The following ZBTB7C variants were observed in gnomAD, a reference collection of about 807,000 sequenced individuals.
ZBTB7C encodes zinc finger and BTB domain-containing protein 7C.
In ZBTB7C, 8 loss-of-function variants were observed where a neutral mutation model predicts 25.7. The ratio of observed to expected loss-of-function variants is 0.31; its 90% CI spans 0.18 to 0.56. The LOEUF (loss-of-function observed/expected upper bound fraction) is 0.56. ZBTB7C is among the 20% of genes least tolerant of loss of function. The pLI is 0.91. For missense variants in ZBTB7C, 824 were observed against 855.2 expected (o/e 0.96, Z 0.46); for synonymous variants, 394 against 369.0 (o/e 1.07, Z -0.78).
intron 1 of ZBTB7C, among the ~76,000 whole-genome samples, chr18:48,370,474 A>G (rs1439182983): frequency 6.6e-6 from 1 of 152,206 alleles, no homozygotes; most frequent in African/African-American, 2.4e-5. Context: ...GAATCCTTGT[A>G]GTGATGAAAA....
At chr18:48,344,281 G>A (rs1457806309) in intron 1 of ZBTB7C, among the ~76,000 whole-genome samples, 1 of 152,236 alleles carries the variant, frequency 6.6e-6, no homozygotes, top group African/African-American at 2.4e-5. Flanking sequence ...ACCACACGTG[G>A]CCGGGAAGTG....
At chr18:48,370,023 A>C (rs1027440388) in intron 1 of ZBTB7C, among the ~76,000 whole-genome samples, 1 of 152,214 alleles carries the variant, frequency 6.6e-6, no homozygotes, top group Non-Finnish European at 1.5e-5. Flanking sequence ...GAATTGAAAA[A>C]AATTAAAATT....
intron 3 of ZBTB7C, among the ~76,000 whole-genome samples, chr18:48,097,909 T>C (rs1278130640): frequency 6.6e-6 from 1 of 152,056 alleles, no homozygotes; most frequent in African/African-American, 2.4e-5. Flanking sequence ...CAAAAGCATC[T>C]TCACTAATAC....
intron 1 of ZBTB7C, among the ~76,000 whole-genome samples, chr18:48,366,359 A>T (rs982135983): frequency 1.3e-5 from 2 of 152,264 alleles, no homozygotes; most frequent in African/African-American, 4.8e-5. Context: ...AATGTGAAAG[A>T]CTAGCTGTAA....
At chr18:48,385,420 G>A (rs2145226529) in intron 1 of ZBTB7C, among the ~76,000 whole-genome samples, 1 of 152,278 alleles carries the variant, frequency 6.6e-6, no homozygotes, top group East Asian at 1.9e-4. Flanking sequence ...CCATGAGGAG[G>A]AGCTACAGTC....
intron 2 of ZBTB7C, among the ~76,000 whole-genome samples, chr18:48,295,797 T>TCTCCTGCATTGGCC (rs1568359600): frequency 6.6e-6 from 1 of 151,960 alleles, no homozygotes; most frequent in Non-Finnish European, 1.5e-5. Flanking sequence ...CCGCATTGGC[T>TCTCCTGCATTGGCC]TCTCCTCCTC....
At chr18:48,227,370 G>A (rs1454393866) in intron 2 of ZBTB7C, among the ~76,000 whole-genome samples, 1 of 152,236 alleles carries the variant, frequency 6.6e-6, no homozygotes, top group African/African-American at 2.4e-5. Flanking sequence ...TTCTGGGCAG[G>A]TACATTTCTG....
intron 3 of ZBTB7C, among the ~76,000 whole-genome samples, chr18:48,156,745 TG>T (rs1367344771): frequency 1.3e-5 from 2 of 152,126 alleles, no homozygotes; most frequent in Admixed American, 1.3e-4. Context: ...TTGCTTCAAC[TG>T]GGAAAAATAA....
At chr18:48,200,010 GT>G (rs2042402527) in intron 2 of ZBTB7C, among the ~76,000 whole-genome samples, 1 of 150,526 alleles carries the variant, frequency 6.6e-6, no homozygotes, top group Non-Finnish European at 1.5e-5. Flanking sequence ...GTGTGTGTGT[GT>G]GTGTGTGTGT....
intron 2 of ZBTB7C, among the ~76,000 whole-genome samples, chr18:48,243,286 A>T (rs2144371320): frequency 6.6e-6 from 1 of 151,754 alleles, no homozygotes; most frequent in African/African-American, 2.4e-5. Flanking sequence ...AAAAAAAAAA[A>T]AAAAGCTCCT....
At chr18:48,088,381 A>G (rs559500213) in intron 3 of ZBTB7C, 2 of 152,338 alleles carry the variant, frequency 1.3e-5, no homozygotes, top group South Asian at 4.1e-4. Context: ...ATATTTAGGT[A>G]TGGATAAGTT....
At chr18:48,410,978 A>AT (rs903385534), upstream of ZBTB7C, among the ~76,000 whole-genome samples, 22 of 152,194 alleles carry the variant, frequency 1.4e-4, no homozygotes, top group African/African-American at 5.3e-4. Flanking sequence ...ACTGGATGAC[A>AT]TTTTTTACAG....
At chr18:48,271,959 T>A (rs2044501896) in intron 2 of ZBTB7C, among the ~76,000 whole-genome samples, 1 of 152,190 alleles carries the variant, frequency 6.6e-6, no homozygotes, top group African/African-American at 2.4e-5. Context: ...CAAAGTCCTA[T>A]CCAGTGCAAT....
chr18:48,401,872 C>T (rs1002990025), intron 1 of ZBTB7C, among the ~76,000 whole-genome samples: 1 of 152,114 alleles, frequency 6.6e-6, no homozygotes, highest in Non-Finnish European at 1.5e-5. Flanking sequence ...AAAAACCCAT[C>T]AAAATTCTTA....
chr18:48,376,956 A>G lies in ZBTB7C; in HGVS notation c.-304+32270T>C, dbSNP rs561221921. On this transcript the variant is annotated intron_variant, in intron 1 of 4. Transcript: ENST00000590800. Reference sequence around the variant, plus strand: ...CACCTCCATCCCCACCACAGTCTCCATATTTCTAATGGCAAAAAACTCAAG... The same window carrying G: ...CACCTCCATCCCCACCACAGTCTCCGTATTTCTAATGGCAAAAAACTCAAG... Among the ~76,000 whole-genome samples the G allele has an allele frequency of 1.4e-4, 22 of 152,348 alleles. 1 individual carries two copies. The highest frequency in any genetic ancestry group is 1.3e-3 in the Admixed American group (20 of 15,304).
intron 1 of ZBTB7C, among the ~76,000 whole-genome samples, chr18:48,365,342 G>A (rs1346889171): frequency 6.6e-6 from 1 of 152,184 alleles, no homozygotes; most frequent in Non-Finnish European, 1.5e-5. Context: ...ACATACCTTT[G>A]ATAAATTCTG....
chr18:48,210,880 C>T (rs2042687804), intron 2 of ZBTB7C, among the ~76,000 whole-genome samples: 1 of 152,016 alleles, frequency 6.6e-6, no homozygotes, highest in South Asian at 2.1e-4. Context: ...ACAAATGACT[C>T]AGAATAGCCA....
chr18:48,236,341 G>C (rs562308807), intron 2 of ZBTB7C, among the ~76,000 whole-genome samples: 1 of 152,148 alleles, frequency 6.6e-6, no homozygotes, highest in Non-Finnish European at 1.5e-5. Context: ...TTCATAAATG[G>C]ATACCTATTC....
At chr18:48,259,011 G>A (rs1303115284) in intron 2 of ZBTB7C, among the ~76,000 whole-genome samples, 1 of 151,038 alleles carries the variant, frequency 6.6e-6, no homozygotes, top group African/African-American at 2.4e-5. Flanking sequence ...GTGCAGTGGT[G>A]CGATCTCAGC....
Sources: gnomAD v4.1 joint callset for allele counts (sites outside exome capture counted in the v4.1 genomes callset) on GRCh38, gnomAD v4.1.1 for gene constraint, MANE v1.5 for transcripts, NCBI Gene and HGNC (gene_info 2026-07-23, HGNC 2026-07-21) for gene names.